CC2D2B: variants seen among roughly 807,000 people sequenced by gnomAD.
The protein encoded by CC2D2B is coiled-coil and C2 domain containing 2B.
CC2D2B carries 128 observed loss-of-function variants against 161.2 expected under a neutral mutation model. That is an observed-to-expected ratio of 0.79 (90% CI 0.69 to 0.92). The LOEUF is 0.92. Among genes scored for constraint, CC2D2B ranks in the 40% least tolerant of loss-of-function variants. The pLI is 0.00. For missense variants in CC2D2B, 1,173 were observed against 1,375.1 expected, an observed-to-expected ratio of 0.85 and a Z score of 2.32; for synonymous variants, 391 against 449.8, an observed-to-expected ratio of 0.87 and a Z score of 1.65.
chr10:95,998,005 T>C (rs2078296251), intron 24 of CC2D2B, among the ~76,000 whole-genome samples: 1 of 152,232 alleles, frequency 6.6e-6, no homozygotes, highest in Non-Finnish European at 1.5e-5. Context: ...TTAAAAATTA[T>C]TTTTCTCAAT....
intron 29 of CC2D2B, among the ~76,000 whole-genome samples, chr10:96,015,231 ATTTTTTT>A (rs58739011): frequency 9.0e-6 from 1 of 111,332 alleles, no homozygotes; most frequent in African/African-American, 3.5e-5. Context: ...GGCCCAGCTA[ATTTTTTT>A]TTTTTTTTTT....
At chr10:96,005,883 TA>T (rs1014208182) in intron 25 of CC2D2B, among the ~76,000 whole-genome samples, 1 of 152,094 alleles carries the variant, frequency 6.6e-6, no homozygotes, top group Non-Finnish European at 1.5e-5. Flanking sequence ...ATACTTTTTT[TA>T]AAAAAATAGT....
At chr10:95,999,456 TTTTTTTC>T (rs1453518680) in intron 24 of CC2D2B, among the ~76,000 whole-genome samples, 2 of 152,168 alleles carry the variant, frequency 1.3e-5, no homozygotes, top group African/African-American at 2.4e-5. Context: ...GTTTTTCTTT[TTTTTTTC>T]TTTTTGGAAA....
At chr10:95,995,830 T>C (rs1403099628) in intron 23 of CC2D2B, among the ~76,000 whole-genome samples, 3 of 152,252 alleles carry the variant, frequency 2.0e-5, no homozygotes, top group African/African-American at 7.2e-5. Flanking sequence ...TTCCTTTTCC[T>C]GAATAATTTT....
At chr10:95,954,434 G>C (rs539484892) in intron 10 of CC2D2B, among the ~76,000 whole-genome samples, 1 of 151,976 alleles carries the variant, frequency 6.6e-6, no homozygotes, top group African/African-American at 2.4e-5. Context: ...TTAATATATA[G>C]GTTTGCTTGA....
At position 95,964,565 on chromosome 10, in the gene CC2D2B, G is replaced by T. The variant is rs75021289; in HGVS notation, c.1251-1331G>T. ...TTTGTTTTACTCCAAGTCCTGGGCT[G>T]AGCACTTTACTTAAATTAGTGCATT... On this transcript the variant is annotated intron_variant, in intron 12 of 34. Coordinates refer to ENST00000646931, the MANE Select transcript of CC2D2B (RefSeq NM_001349008.3). 5.0e-3 allele frequency among the ~76,000 whole-genome samples: 766 copies of T among 152,192 alleles called. 7 individuals are homozygous for T. The highest frequency in any genetic ancestry group is 0.017 in the African/African-American group (722 of 41,524).
At chr10:96,015,608 T>C (rs2079164449) in intron 29 of CC2D2B, among the ~76,000 whole-genome samples, 4 of 152,170 alleles carry the variant, frequency 2.6e-5, no homozygotes, top group Admixed American at 2.0e-4. Context: ...ACTTCTGCTA[T>C]ACTTTTTCTC....
At chr10:95,997,769 CT>C (rs1000551604) in intron 24 of CC2D2B, among the ~76,000 whole-genome samples, 11 of 152,332 alleles carry the variant, frequency 7.2e-5, no homozygotes, top group Middle Eastern at 3.4e-3. Context: ...ATAATTCCAT[CT>C]TTAGCAAGTT....
rs1277637648 is a variant in CC2D2B at position 95,965,496 on chromosome 10, C to T, written c.1251-400C>T. On this transcript the variant is annotated intron_variant, in intron 12 of 34. Transcript: ENST00000646931. ...TACTACTTAATATCACCATGATCAC[C>T]TGCCCTTATACCTGCTCAGGTTCTC... Among the ~76,000 whole-genome samples, 5 of 151,978 alleles carry T rather than the reference C, an allele frequency of 3.3e-5. No homozygotes were observed. In the South Asian group the frequency reaches 8.3e-4, roughly 25 times the overall value.
chr10:95,941,676 A>T (rs953827276), intron 9 of CC2D2B, among the ~76,000 whole-genome samples: 4 of 152,130 alleles, frequency 2.6e-5, no homozygotes, highest in Non-Finnish European at 5.9e-5. Context: ...ATTTAAAAAA[A>T]AAATCCCCTG....
intron 6 of CC2D2B, among the ~76,000 whole-genome samples, chr10:95,934,585 A>G (rs1228441595): frequency 6.6e-6 from 1 of 152,210 alleles, no homozygotes; most frequent in South Asian, 2.1e-4. Context: ...TGAGAAGACC[A>G]TGGGAAAAGT....
At chr10:96,025,170 T>TAAAAAAAAAAAAAAA (rs1564683762) in intron 33 of CC2D2B, among the ~76,000 whole-genome samples, 4 of 19,314 alleles carry the variant, frequency 2.1e-4, no homozygotes, top group African/African-American at 8.4e-4. Flanking sequence ...TATATATATA[T>TAAAAAAAAAAAAAAA]ATATATATAT....
intron 30 of CC2D2B, chr10:96,018,925 G>A: frequency 4.5e-6 from 1 of 221,758 alleles, no homozygotes; most frequent in Non-Finnish European, 8.9e-6. Flanking sequence ...AGCCTCCCAA[G>A]TAGCTGGGAC....
At chr10:96,005,399 T>C (rs1343687790) in intron 25 of CC2D2B, among the ~76,000 whole-genome samples, 1 of 152,162 alleles carries the variant, frequency 6.6e-6, no homozygotes, top group Admixed American at 6.5e-5. Context: ...GAAAGGGCCT[T>C]GCATTCTTGT....
intron 12 of CC2D2B, among the ~76,000 whole-genome samples, chr10:95,962,929 A>G (rs2076816105): frequency 1.3e-5 from 2 of 152,138 alleles, no homozygotes; most frequent in South Asian, 4.1e-4. Flanking sequence ...TGAGCAACAA[A>G]GAGGAGACAC....
chr10:96,025,182 TATAA>T (rs1564684179), intron 33 of CC2D2B, among the ~76,000 whole-genome samples: 11 of 13,568 alleles, frequency 8.1e-4, no homozygotes, highest in Non-Finnish European at 1.6e-3. Flanking sequence ...TATATATATA[TATAA>T]AAAAAAATAT....
At chr10:95,958,077 T>G (rs565744953) in intron 11 of CC2D2B, among the ~76,000 whole-genome samples, 79 of 144,560 alleles carry the variant, frequency 5.5e-4, no homozygotes, top group African/African-American at 2.0e-3. Flanking sequence ...ACCTACTAGA[T>G]AAAGACCTAC....
intron 2 of CC2D2B, among the ~76,000 whole-genome samples, chr10:95,915,211 GT>G (rs2098513938): frequency 6.6e-6 from 1 of 151,980 alleles, no homozygotes; most frequent in Admixed American, 6.6e-5. Flanking sequence ...TTTTCAGATT[GT>G]TTGCTGTTGG....
At chr10:96,002,391 A>G (rs1421494826) in intron 24 of CC2D2B, among the ~76,000 whole-genome samples, 1 of 152,160 alleles carries the variant, frequency 6.6e-6, no homozygotes, top group East Asian at 1.9e-4. Flanking sequence ...AGTAATAAAT[A>G]ATATTAAATA....
Sources: allele counts gnomAD v4.1 joint callset (sites outside exome capture counted in the v4.1 genomes callset), GRCh38; gene constraint gnomAD v4.1.1; transcripts MANE v1.5; gene names NCBI Gene and HGNC (gene_info 2026-07-23, HGNC 2026-07-21).